The following RBFOX1 variants were observed in gnomAD, a reference collection of about 807,000 sequenced individuals.
The protein encoded by RBFOX1 is RNA binding protein fox-1 homolog 1.
Under a neutral mutation model 57.7 loss-of-function variants are expected in RBFOX1, and 8 were observed. The ratio of observed to expected loss-of-function variants is 0.14; its 90% CI spans 0.08 to 0.25. RBFOX1 has a LOEUF of 0.25. RBFOX1 is among the 10% of genes least tolerant of loss of function. RBFOX1 has a pLI of 1.00. For synonymous variants in RBFOX1, 326 were observed against 222.4 expected (o/e 1.47, Z -4.15); for missense variants, 611 against 548.5 (o/e 1.11, Z -1.14).
chr16:5,572,016 G>C (rs997322910), intron 2 of RBFOX1, among the ~76,000 whole-genome samples: 1 of 152,122 alleles, frequency 6.6e-6, no homozygotes, highest in Non-Finnish European at 1.5e-5. Context: ...TTCTCCATTA[G>C]ACACACTGCA....
intron 4 of RBFOX1, among the ~76,000 whole-genome samples, chr16:7,128,743 G>A (rs1390003232): frequency 6.6e-6 from 1 of 152,056 alleles, no homozygotes; most frequent in African/African-American, 2.4e-5. Context: ...ATATCACAAA[G>A]GGCTAGAACT....
chr16:7,295,310 C>T (rs1471981136), intron 4 of RBFOX1, among the ~76,000 whole-genome samples: 1 of 152,038 alleles, frequency 6.6e-6, no homozygotes, highest in Non-Finnish European at 1.5e-5. Context: ...TGAAGTTAGT[C>T]CTTCCATAAA....
chr16:6,749,116 C>G (rs917138601), intron 3 of RBFOX1: 7 of 152,188 alleles, frequency 4.6e-5, no homozygotes, highest in Admixed American at 1.3e-4. Context: ...CCAACATTCA[C>G]TGAGCAACTA....
chr16:7,532,566 T>C (rs1419448491), intron 5 of RBFOX1, among the ~76,000 whole-genome samples: 1 of 152,210 alleles, frequency 6.6e-6, no homozygotes, highest in Admixed American at 6.5e-5. Flanking sequence ...CTAGTCTAGC[T>C]GTGGATGGGG....
intron 4 of RBFOX1, among the ~76,000 whole-genome samples, chr16:7,313,222 C>T (rs1025418293): frequency 4.6e-5 from 7 of 152,242 alleles, no homozygotes; most frequent in South Asian, 2.1e-4. Flanking sequence ...TTCCCTCAAC[C>T]AAATAATCTG....
intron 11 of RBFOX1, among the ~76,000 whole-genome samples, chr16:7,647,174 C>G (rs184485943): frequency 1.3e-3 from 202 of 152,246 alleles, no homozygotes; most frequent in Non-Finnish European, 2.3e-3. Context: ...ACTCTACTAA[C>G]CTCCCCCAGA....
chr16:5,908,085 T>TATATACACATATATATAC (rs2058507313), intron 4 of RBFOX1, among the ~76,000 whole-genome samples: 3 of 54,798 alleles, frequency 5.5e-5, no homozygotes, highest in Non-Finnish European at 1.2e-4. Flanking sequence ...TATATATATA[T>TATATACACATATATATAC]ACACATATAT....
In RBFOX1 at chr16:6,097,265, A is replaced by C. The variant is rs190325883; in HGVS notation, c.-127+77273A>C. ...ACTTCTTTTTGTTTATAAATTACTC[A>C]GTCTCATGTATGTCTTTATCAGCAG... is the stretch of plus-strand genomic sequence containing the variant. On this transcript the variant is annotated intron_variant, in intron 1 of 15. Coordinates refer to ENST00000550418, the MANE Select transcript of RBFOX1 (RefSeq NM_018723.4). This position sits in a 1 kb window ranked among gnomAD's most constrained non-coding sequence, Gnocchi z 5.0. Among the ~76,000 whole-genome samples the C allele has an allele frequency of 9.8e-5, 15 of 152,326 alleles. 1 individual carries two copies. Among genetic ancestry groups the C allele is most frequent in the Admixed American group, 9.8e-4 (15 of 15,306 alleles).
intron 3 of RBFOX1, among the ~76,000 whole-genome samples, chr16:7,003,354 G>A (rs954282446): frequency 1.3e-5 from 2 of 152,096 alleles, no homozygotes; most frequent in Middle Eastern, 3.4e-3. Context: ...CAGCTACTCA[G>A]GAGGCTGAGG....
At chr16:5,247,741 C>T (rs981084325) in intron 1 of RBFOX1, among the ~76,000 whole-genome samples, 5 of 151,698 alleles carry the variant, frequency 3.3e-5, no homozygotes, top group African/African-American at 4.9e-5. Context: ...ATCTGGCCCT[C>T]GAGAGAAACA....
intron 2 of RBFOX1, among the ~76,000 whole-genome samples, chr16:5,483,291 T>C (rs11646351): frequency 0.36 from 54,156 of 152,102 alleles, 9,855 homozygotes; most frequent in Middle Eastern, 0.48. Context: ...TCCCACTTCA[T>C]GCTCTTCGTG....
intron 4 of RBFOX1, among the ~76,000 whole-genome samples, chr16:7,395,241 A>C (rs549849145): frequency 1.3e-5 from 2 of 151,916 alleles, no homozygotes; most frequent in South Asian, 4.1e-4. Context: ...TACAAAGCTT[A>C]GGTGACAGAA....
At chr16:7,126,426 C>T (rs575766453) in intron 4 of RBFOX1, 5 of 229,042 alleles carry the variant, frequency 2.2e-5, no homozygotes, top group Non-Finnish European at 4.5e-5. Flanking sequence ...CACACAGTAA[C>T]GTGGCTTCAC....
chr16:5,708,805 T>G (rs1011318230), intron 3 of RBFOX1, among the ~76,000 whole-genome samples: 1 of 152,146 alleles, frequency 6.6e-6, no homozygotes, highest in African/African-American at 2.4e-5. Context: ...AGCTGTGAGA[T>G]GAGGGGCTTG....
chr16:6,428,766 A>G (rs2093998538), intron 2 of RBFOX1, among the ~76,000 whole-genome samples: 2 of 152,224 alleles, frequency 1.3e-5, no homozygotes, highest in Non-Finnish European at 2.9e-5. Context: ...TCTTTGATAT[A>G]ATCATTTTTA....
intron 2 of RBFOX1, among the ~76,000 whole-genome samples, chr16:5,517,853 C>A (rs897662970): frequency 1.3e-5 from 2 of 151,830 alleles, no homozygotes; most frequent in Non-Finnish European, 2.9e-5. Flanking sequence ...TGTATACACA[C>A]ACACACACAC....
chr16:6,036,901 C>G (rs1315266507), intron 1 of RBFOX1, among the ~76,000 whole-genome samples: 6 of 152,164 alleles, frequency 3.9e-5, no homozygotes, highest in African/African-American at 1.4e-4. Context: ...AGAACAATAA[C>G]TTTCAGACTC....
intron 3 of RBFOX1, among the ~76,000 whole-genome samples, chr16:5,781,140 A>G (rs930153588): frequency 7.2e-5 from 11 of 152,228 alleles, no homozygotes; most frequent in Non-Finnish European, 1.5e-4. Context: ...CCGAACAGTC[A>G]CCGAAAAGTA....
At chr16:7,602,745 C>T (rs1009659097) in intron 9 of RBFOX1, among the ~76,000 whole-genome samples, 1 of 152,172 alleles carries the variant, frequency 6.6e-6, no homozygotes, top group African/African-American at 2.4e-5. Flanking sequence ...ACATAACAGA[C>T]ATTTACAGAA....
Sources: gnomAD v4.1 joint callset for allele counts (sites outside exome capture counted in the v4.1 genomes callset) on GRCh38, gnomAD v4.1.1 for gene constraint, Gnocchi (gnomAD v3.1) non-coding constraint, MANE v1.5 for transcripts, NCBI Gene and HGNC (gene_info 2026-07-23, HGNC 2026-07-21) for gene names.